ARL15: variants seen among roughly 807,000 people sequenced by gnomAD.
ARL15 encodes the protein ADP-ribosylation factor-like protein 15.
ARL15 carries 19 observed loss-of-function variants against 25.2 expected under a neutral mutation model. That is an observed-to-expected ratio of 0.75 (90% CI 0.53 to 1.10). The LOEUF (loss-of-function observed/expected upper bound fraction) is 1.10, where lower values mean the gene tolerates loss of function less well. Ranked by LOEUF, ARL15 falls within the 50% of genes least tolerant of loss-of-function variation. The probability of loss-of-function intolerance (pLI) is 0.00; values close to 1 mark genes in which losing one functional copy is unlikely to be tolerated. For missense variants in ARL15, 220 were observed against 246.0 expected, an observed-to-expected ratio of 0.89 and a Z score of 0.71; for synonymous variants, 94 against 86.8, an observed-to-expected ratio of 1.08 and a Z score of -0.46.
intron 1 of ARL15, among the ~76,000 whole-genome samples, chr5:54,271,076 C>T (rs1479553006): frequency 1.3e-5 from 2 of 152,210 alleles, no homozygotes; most frequent in Admixed American, 1.3e-4. Context: ...AGTGGCTCCC[C>T]GGGTTGCCTG....
intron 3 of ARL15, among the ~76,000 whole-genome samples, chr5:54,138,058 A>G (rs1753658930): frequency 1.3e-5 from 2 of 152,236 alleles, no homozygotes; most frequent in Admixed American, 1.3e-4. Context: ...AGAAAATTTG[A>G]AACCTTTTAT....
chr5:54,246,571 G>A (rs900570630), intron 1 of ARL15, among the ~76,000 whole-genome samples: 23 of 152,086 alleles, frequency 1.5e-4, no homozygotes, highest in Non-Finnish European at 2.6e-4. Context: ...AGCCAGAGAC[G>A]GGGAATCTAC....
chr5:54,060,311 C>G (rs1054571017), intron 4 of ARL15, among the ~76,000 whole-genome samples: 9 of 152,020 alleles, frequency 5.9e-5, no homozygotes, highest in Non-Finnish European at 1.3e-4. Context: ...TTCCTGTAAT[C>G]CCCGCTACTC....
intron 4 of ARL15, among the ~76,000 whole-genome samples, chr5:53,998,781 C>T (rs903603583): frequency 6.6e-6 from 1 of 152,102 alleles, no homozygotes; most frequent in Non-Finnish European, 1.5e-5. Context: ...AATGAAAAGG[C>T]CTGGTCCCTG....
chr5:54,228,943 G>A (rs1187201317), intron 1 of ARL15, among the ~76,000 whole-genome samples: 4 of 152,150 alleles, frequency 2.6e-5, no homozygotes, highest in Admixed American at 6.5e-5. Flanking sequence ...GTCGGGAGAA[G>A]CATGTTAAGG....
At chr5:54,177,820 C>T (rs1242889257) in intron 1 of ARL15, among the ~76,000 whole-genome samples, 2 of 152,172 alleles carry the variant, frequency 1.3e-5, no homozygotes, top group Non-Finnish European at 2.9e-5. Context: ...AAGTTCCTCC[C>T]CACTTTCCTA....
rs914369125 is a variant in ARL15, at chr5:53,886,386, T to C, written c.*175A>G. Reference sequence around the variant, plus strand: ...AGTGTGTACTTGACGTTAATGCCGATGATAATTCATCTGATCTACAGAATA... The same window carrying C: ...AGTGTGTACTTGACGTTAATGCCGACGATAATTCATCTGATCTACAGAATA... On this transcript the variant is annotated 3_prime_UTR_variant, in exon 5 of 5. Transcript: ENST00000504924. 6 of 663,318 alleles carry C rather than the reference T, an allele frequency of 9.0e-6. No individual in the cohort carries two copies. Among genetic ancestry groups the C allele is most frequent in the African/African-American group, 5.5e-5 (3 of 54,900 alleles). The allele number at this position is 663,318 out of a possible 1,614,324, so 41.1% of individuals were successfully genotyped here.
At chr5:54,282,319 A>G (rs1201513444) in intron 1 of ARL15, 1 of 985,328 alleles carries the variant, frequency 1.0e-6, no homozygotes, top group Non-Finnish European at 1.2e-6. Flanking sequence ...GGATGCATTC[A>G]GACATTCTCT....
chr5:53,994,827 A>G (rs933973633), intron 4 of ARL15, among the ~76,000 whole-genome samples: 1 of 152,126 alleles, frequency 6.6e-6, no homozygotes, highest in African/African-American at 2.4e-5. Context: ...CACAAACCTC[A>G]AATCAACACT....
intron 1 of ARL15, among the ~76,000 whole-genome samples, chr5:54,274,889 G>T (rs1757887130): frequency 6.6e-6 from 1 of 152,020 alleles, no homozygotes; most frequent in Non-Finnish European, 1.5e-5. Flanking sequence ...GCAAGATTCT[G>T]TCTCAAAAAA....
chr5:54,162,084 T>G (rs976481944), intron 2 of ARL15, among the ~76,000 whole-genome samples: 1 of 151,858 alleles, frequency 6.6e-6, no homozygotes, highest in South Asian at 2.1e-4. Flanking sequence ...GGCAGTAAGT[T>G]TGAAGATGTC....
intron 1 of ARL15, among the ~76,000 whole-genome samples, chr5:54,238,521 C>A (rs1756868318): frequency 6.6e-6 from 1 of 152,164 alleles, no homozygotes; most frequent in Non-Finnish European, 1.5e-5. Flanking sequence ...CTGTATCACT[C>A]CGCCAGAGAA....
chr5:54,198,391 A>G (rs1280563824), intron 1 of ARL15, among the ~76,000 whole-genome samples: 3 of 152,120 alleles, frequency 2.0e-5, no homozygotes, highest in African/African-American at 4.8e-5. Flanking sequence ...GGATATCTAG[A>G]AAACCCCATT....
At chr5:54,260,082 C>T (rs1388138049) in intron 1 of ARL15, among the ~76,000 whole-genome samples, 1 of 152,310 alleles carries the variant, frequency 6.6e-6, no homozygotes, top group African/African-American at 2.4e-5. Context: ...CCCATAGTCT[C>T]AGAGGAAAGC....
At chr5:53,964,717 T>C (rs1209511579) in intron 4 of ARL15, among the ~76,000 whole-genome samples, 1 of 152,230 alleles carries the variant, frequency 6.6e-6, no homozygotes, top group Admixed American at 6.5e-5. Context: ...CTCCCTGAGA[T>C]AGTAGGGATT....
chr5:54,143,991 T>A (rs1485320121), intron 3 of ARL15, among the ~76,000 whole-genome samples: 1 of 152,076 alleles, frequency 6.6e-6, no homozygotes, highest in African/African-American at 2.4e-5. Flanking sequence ...GAACATAATA[T>A]ACTTTTATGC....
At chr5:53,890,463 G>A (rs975821909) in intron 4 of ARL15, among the ~76,000 whole-genome samples, 2 of 152,226 alleles carry the variant, frequency 1.3e-5, no homozygotes, top group South Asian at 4.2e-4. Flanking sequence ...CTACTTATCC[G>A]TTGCTGAACT....
At chr5:54,258,388 T>A (rs1326335112) in intron 1 of ARL15, among the ~76,000 whole-genome samples, 1 of 152,146 alleles carries the variant, frequency 6.6e-6, no homozygotes, top group Non-Finnish European at 1.5e-5. Context: ...CATCAAGTTT[T>A]CACATTATTC....
intron 4 of ARL15, among the ~76,000 whole-genome samples, chr5:54,063,664 C>G (rs1751133220): frequency 6.6e-6 from 1 of 152,156 alleles, no homozygotes; most frequent in African/African-American, 2.4e-5. Flanking sequence ...TCACTTGAAA[C>G]TGTCTAAATG....
Sources: allele counts gnomAD v4.1 joint callset (sites outside exome capture counted in the v4.1 genomes callset), GRCh38; gene constraint gnomAD v4.1.1; transcripts MANE v1.5; gene names NCBI Gene and HGNC (gene_info 2026-07-23, HGNC 2026-07-21).